Variants in ATP11A observed in about 807,000 individuals in gnomAD.
ATP11A encodes the protein phospholipid-transporting ATPase IH.
ATP11A carries 81 observed loss-of-function variants against 154.4 expected under a neutral mutation model. That is an observed-to-expected ratio of 0.52 (90% CI 0.44 to 0.63). ATP11A has a LOEUF of 0.63. ATP11A is among the 30% of genes least tolerant of loss of function. The pLI, the probability that ATP11A is intolerant of heterozygous loss-of-function variation, is 0.00. For missense variants in ATP11A, 1,316 were observed against 1,474.3 expected (o/e 0.89, Z 1.76); for synonymous variants, 623 against 585.9 (o/e 1.06, Z -0.91).
At position 112,859,905 on chromosome 13, in the gene ATP11A, G is replaced by A. The variant is rs1228518743; in HGVS notation, c.2728-382G>A. Among the ~76,000 whole-genome samples, 3 of 152,246 alleles carry A rather than the reference G, an allele frequency of 2.0e-5. No homozygotes were observed. In the East Asian group the frequency reaches 5.8e-4, roughly 29 times the overall value. On this transcript the variant is annotated intron_variant, in intron 23 of 29. Transcript: ENST00000375645. This position sits in a 1 kb window ranked among gnomAD's most constrained non-coding sequence, Gnocchi z 4.3. ...AAGGACTCCCCGGGCATCTGCCCTA[G>A]ATGGACACCTCCTTCTGTCACATGT... is the stretch of plus-strand genomic sequence containing the variant.
chr13:112,875,899 C>A lies in ATP11A; in HGVS notation c.3285C>A (p.Val1095=). Residue 1095 remains valine, a synonymous_variant, in exon 28 of 30, where the codon GTC becomes GTA. Coordinates refer to ENST00000375645, the MANE Select transcript of ATP11A (RefSeq NM_015205.3). This position sits in a 1 kb window ranked among gnomAD's most constrained non-coding sequence, Gnocchi z 4.1. ...ISLLPDVLKK[V]LCRQLWPTAT... is the part of the protein sequence containing the mutation. ...TCCTTCCCGACGTCCTCAAGAAAGT[C>A]CTGTGCCGGCAGCTGTGGCCAACAG... 4.3e-6 allele frequency: 7 copies of A among 1,613,340 alleles called. No homozygotes were observed. The highest frequency in any genetic ancestry group is 5.9e-6 in the Non-Finnish European group (7 of 1,180,034).
chr13:112,832,780 G>A (rs1431733897), intron 13 of ATP11A, 80 bp from the exon 14 acceptor site: 2 of 1,521,032 alleles, frequency 1.3e-6, no homozygotes, highest in Admixed American at 1.9e-5. Context: ...CCCGCTTCTT[G>A]TTATCTCTCT....
chr13:112,755,356 C>T (rs2076796300), intron 1 of ATP11A, among the ~76,000 whole-genome samples: 1 of 152,168 alleles, frequency 6.6e-6, no homozygotes, highest in Non-Finnish European at 1.5e-5. Context: ...CCAGCTTGGA[C>T]AGTCTCTCTA....
rs2080985423 is a variant in ATP11A at position 112,886,666 on chromosome 13, A to G, written c.*4800A>G. On this transcript the variant is annotated 3_prime_UTR_variant, in exon 30 of 30. Coordinates refer to ENST00000375645, the MANE Select transcript of ATP11A (RefSeq NM_015205.3). ...TGATTCTACTTTTGCAGAAAAATCT[A>G]AAGATCAATTTATATAGCTTTATTT... The G allele has an allele frequency of 6.6e-6, 1 of 152,648 alleles. No homozygotes were observed. The highest frequency in any genetic ancestry group is 1.5e-5 in the Non-Finnish European group (1 of 68,042). 9.5% of individuals were successfully genotyped at this position (152,648 alleles called of 1,614,324 possible).
chr13:112,881,689 CCT>C, intron 29 of ATP11A, 185 bp from the exon 30 acceptor site: 1 of 1,266,858 alleles, frequency 7.9e-7, no homozygotes, highest in Non-Finnish European at 1.0e-6. Context: ...GAGGGTGTGT[CCT>C]GAGTTGAGTC....
In ATP11A at chr13:112,818,318, C is replaced by T. The variant is rs189305887; in HGVS notation, c.571-986C>T. On this transcript the variant is annotated intron_variant, in intron 6 of 29. Transcript: ENST00000375645. ...CGATGACCGTTGGTGCGCTTGGTGA[C>T]GGGGCGGTGACCGTTGGTGCGCTTG... 5.7e-3 allele frequency among the ~76,000 whole-genome samples: 854 copies of T among 149,670 alleles called. 9 individuals carry two copies. The highest frequency in any genetic ancestry group is 0.02 in the African/African-American group (802 of 40,452).
At chr13:112,847,119 G>A (rs774192040) in intron 17 of ATP11A, among the ~76,000 whole-genome samples, 1 of 152,194 alleles carries the variant, frequency 6.6e-6, no homozygotes, top group Non-Finnish European at 1.5e-5. Flanking sequence ...ACGTTCCCCT[G>A]CCCGAGCCTC....
intron 2 of ATP11A, among the ~76,000 whole-genome samples, chr13:112,801,786 A>T (rs141487277): frequency 1.7e-3 from 262 of 152,342 alleles, no homozygotes; most frequent in African/African-American, 6.2e-3. Flanking sequence ...CAAAGACTTA[A>T]ATTAATGGAG....
intron 22 of ATP11A, chr13:112,858,892 A>G (rs1311232715): frequency 1.2e-5 from 2 of 173,372 alleles, no homozygotes; most frequent in East Asian, 3.2e-4. Flanking sequence ...ATACGAACAC[A>G]CATACCCATC....
chr13:112,706,154 C>T (rs75826074), intron 1 of ATP11A, among the ~76,000 whole-genome samples: 2,080 of 152,168 alleles, frequency 0.014, 50 homozygotes, highest in African/African-American at 0.048. Context: ...GTGCTAGTTA[C>T]GTTTAAATGC....
At chr13:112,877,123 C>T (rs1221373618) in intron 28 of ATP11A, among the ~76,000 whole-genome samples, 1 of 152,200 alleles carries the variant, frequency 6.6e-6, no homozygotes, top group East Asian at 1.9e-4. Context: ...TCCACTGACT[C>T]GGGGGCCACA....
chr13:112,815,211 C>T (rs542866931), intron 5 of ATP11A, among the ~76,000 whole-genome samples: 1 of 152,356 alleles, frequency 6.6e-6, no homozygotes, highest in African/African-American at 2.4e-5. Context: ...ATGGCTTCCT[C>T]ACCCTTCAGA....
At chr13:112,739,143 A>G (rs1327542984) in intron 1 of ATP11A, among the ~76,000 whole-genome samples, 1 of 152,198 alleles carries the variant, frequency 6.6e-6, no homozygotes, top group East Asian at 1.9e-4. Context: ...AAAATTAAAG[A>G]CTTTTGTTCC....
chr13:112,699,982 C>G (rs934287946), intron 1 of ATP11A, among the ~76,000 whole-genome samples: 1 of 150,848 alleles, frequency 6.6e-6, no homozygotes, highest in African/African-American at 2.4e-5. Flanking sequence ...CATTGTAAAG[C>G]GCTGTAAAAA....
rs2077400582 is a variant in ATP11A at position 112,778,460 on chromosome 13, G to T, written c.40-6675G>T. 2.0e-5 allele frequency among the ~76,000 whole-genome samples: 3 copies of T among 152,266 alleles called. No individual in the cohort carries two copies. The South Asian group carries it at 6.2e-4, about 31-fold the overall frequency. ...ACATTCTAAGTTGAGGTAATTTGGG[G>T]CATGGTGGCATGCCTGCAATCTCAG... On this transcript the variant is annotated intron_variant, in intron 1 of 29. Transcript: ENST00000375645.
intron 29 of ATP11A, chr13:112,880,795 T>C (rs2080862669): frequency 8.7e-7 from 1 of 1,150,392 alleles, no homozygotes; most frequent in Non-Finnish European, 1.1e-6. Context: ...ATGCATTTGC[T>C]GTCCCAGGTA....
chr13:112,712,959 T>C (rs1170553652), intron 1 of ATP11A, among the ~76,000 whole-genome samples: 1 of 152,238 alleles, frequency 6.6e-6, no homozygotes, highest in Non-Finnish European at 1.5e-5. Flanking sequence ...TGAGGAGACC[T>C]AGAGTATTTG....
chr13:112,846,264 G>C (rs770540960), intron 17 of ATP11A, among the ~76,000 whole-genome samples: 3 of 152,144 alleles, frequency 2.0e-5, no homozygotes, highest in Admixed American at 6.5e-5. Flanking sequence ...CCTTTCAGCA[G>C]TTCCAGGACC....
intron 28 of ATP11A, among the ~76,000 whole-genome samples, chr13:112,877,802 G>C (rs1415713477): frequency 6.6e-6 from 1 of 152,234 alleles, no homozygotes; most frequent in African/African-American, 2.4e-5. Flanking sequence ...CACGCCCCCG[G>C]ATGTGTCTGA....
Sources: allele counts gnomAD v4.1 joint callset (sites outside exome capture counted in the v4.1 genomes callset), GRCh38; gene constraint gnomAD v4.1.1; non-coding constraint Gnocchi (gnomAD v3.1); transcripts MANE v1.5; gene names NCBI Gene and HGNC (gene_info 2026-07-23, HGNC 2026-07-21).